Variants in NTM observed in about 807,000 individuals in gnomAD.
NTM encodes the protein IgLON family member 2.
In NTM, 13 loss-of-function variants were observed where a neutral mutation model predicts 42.1. That is an observed-to-expected ratio of 0.31 (90% confidence interval 0.20 to 0.49). NTM has a LOEUF of 0.49. Ranked by LOEUF, NTM falls within the 20% of genes least tolerant of loss-of-function variation. NTM has a pLI of 0.99. For missense variants in NTM, 373 were observed against 452.8 expected (o/e 0.82, Z 1.60); for synonymous variants, 187 against 179.2 (o/e 1.04, Z -0.35).
At chr11:131,406,855 G>A (rs10736596) in intron 1 of NTM, among the ~76,000 whole-genome samples, 86,697 of 152,038 alleles carry the variant, frequency 0.57, 25,906 homozygotes, top group East Asian at 0.87. Context: ...GTGCACAAAT[G>A]TGCTCTAGGG....
intron 1 of NTM, among the ~76,000 whole-genome samples, chr11:131,826,555 G>A (rs552716859): frequency 1.4e-4 from 12 of 88,040 alleles, no homozygotes; most frequent in African/African-American, 2.3e-4. Flanking sequence ...GGGATTGGTC[G>A]TAATATTCTA....
chr11:132,087,893 G>T (rs2059924806), intron 2 of NTM, among the ~76,000 whole-genome samples: 1 of 152,244 alleles, frequency 6.6e-6, no homozygotes. Flanking sequence ...GGATGTGGAT[G>T]CATAGTGGGA....
chr11:132,087,045 AG>A (rs1188985774), intron 2 of NTM, among the ~76,000 whole-genome samples: 1 of 152,180 alleles, frequency 6.6e-6, no homozygotes, highest in Non-Finnish European at 1.5e-5. Context: ...CTGCTCACCT[AG>A]AAAGAGGGGA....
chr11:132,297,707 T>G (rs12284625), intron 4 of NTM, among the ~76,000 whole-genome samples: 10,665 of 152,204 alleles, frequency 0.07, 391 homozygotes, highest in Middle Eastern at 0.13. Flanking sequence ...TTTTGCGGGC[T>G]TTTTCTTGGC....
At chr11:132,026,540 G>T (rs2075205841) in intron 2 of NTM, among the ~76,000 whole-genome samples, 1 of 152,076 alleles carries the variant, frequency 6.6e-6, no homozygotes, top group Non-Finnish European at 1.5e-5. Context: ...CCTTCTACTG[G>T]TTTTTTATCT....
chr11:131,574,337 C>A (rs1056478635), intron 1 of NTM, among the ~76,000 whole-genome samples: 1 of 152,160 alleles, frequency 6.6e-6, no homozygotes, highest in African/African-American at 2.4e-5. Context: ...TCTCAAAGCC[C>A]CCTCAGGTGC....
chr11:132,224,607 T>A (rs1376000908), intron 4 of NTM, among the ~76,000 whole-genome samples: 3 of 152,216 alleles, frequency 2.0e-5, no homozygotes, highest in Admixed American at 6.5e-5. Context: ...AAACCCCTTT[T>A]CTTCCTGCCC....
chr11:131,996,960 C>T lies in NTM; in HGVS notation c.167+85312C>T, dbSNP rs117132915. 2.5e-3 allele frequency among the ~76,000 whole-genome samples: 381 copies of T among 152,284 alleles called. 2 individuals are homozygous for T. The highest frequency in any genetic ancestry group is 3.8e-3 in the Non-Finnish European group (256 of 68,022). On this transcript the variant is annotated intron_variant, in intron 2 of 8. Coordinates refer to ENST00000683400, the MANE Select transcript of NTM (RefSeq NM_001352005.2). ...TTCATCCAAACATATCACTGGCTTC[C>T]TACCTTTCTCTCCTTCCCAGCCTGG...
intron 1 of NTM, among the ~76,000 whole-genome samples, chr11:131,610,715 G>A (rs1226184514): frequency 6.6e-6 from 1 of 152,178 alleles, no homozygotes; most frequent in Non-Finnish European, 1.5e-5. Context: ...CAGGCAGGGG[G>A]TAAGACCACA....
intron 2 of NTM, among the ~76,000 whole-genome samples, chr11:132,122,106 G>A (rs1051242680): frequency 7.2e-5 from 11 of 152,334 alleles, no homozygotes; most frequent in African/African-American, 2.6e-4. Flanking sequence ...TGCGTGTTTA[G>A]GAAAGCTGTA....
chr11:131,406,487 C>T (rs373398557), intron 1 of NTM, among the ~76,000 whole-genome samples: 3 of 152,272 alleles, frequency 2.0e-5, no homozygotes, highest in Non-Finnish European at 2.9e-5. Context: ...CTTATCCTCA[C>T]GGGATAAGTT....
chr11:131,889,743 T>G (rs1417332551), intron 1 of NTM, among the ~76,000 whole-genome samples: 1 of 152,036 alleles, frequency 6.6e-6, no homozygotes, highest in African/African-American at 2.4e-5. Flanking sequence ...GAGAGGCACA[T>G]CTGAGGTTTT....
At chr11:131,595,232 G>C (rs2059715416) in intron 1 of NTM, among the ~76,000 whole-genome samples, 1 of 152,160 alleles carries the variant, frequency 6.6e-6, no homozygotes, top group South Asian at 2.1e-4. Flanking sequence ...TGGTCCACCA[G>C]TGAATCACCT....
intron 1 of NTM, among the ~76,000 whole-genome samples, chr11:131,405,182 T>A (rs61190923): frequency 1.3e-5 from 2 of 152,210 alleles, no homozygotes; most frequent in Non-Finnish European, 2.9e-5. Context: ...GTATGACCAA[T>A]TGAAAGTGTC....
chr11:132,332,308 G>A (rs141318870), intron 8 of NTM: 1 of 152,814 alleles, frequency 6.5e-6, no homozygotes, highest in East Asian at 1.9e-4. Flanking sequence ...AGGTTCCGGG[G>A]GTGGTGAGCG....
intron 1 of NTM, among the ~76,000 whole-genome samples, chr11:131,581,154 CAGAG>C (rs2058373075): frequency 1.3e-5 from 2 of 152,224 alleles, no homozygotes; most frequent in South Asian, 2.1e-4. Flanking sequence ...CCTTACAACT[CAGAG>C]AGACAGAAGA....
intron 3 of NTM, among the ~76,000 whole-genome samples, chr11:132,159,912 G>A (rs971269914): frequency 3.9e-5 from 6 of 152,242 alleles, no homozygotes; most frequent in African/African-American, 1.2e-4. Flanking sequence ...AGTAGGAACT[G>A]TGTCAAATAG....
At chr11:131,525,482 C>T (rs1235727422) in intron 1 of NTM, among the ~76,000 whole-genome samples, 1 of 152,156 alleles carries the variant, frequency 6.6e-6, no homozygotes, top group Admixed American at 6.5e-5. Flanking sequence ...GGGGCCACAC[C>T]AGCATTTAGC....
chr11:132,127,074 G>A (rs61121987), intron 2 of NTM, among the ~76,000 whole-genome samples: 4 of 151,856 alleles, frequency 2.6e-5, no homozygotes, highest in African/African-American at 9.7e-5. Flanking sequence ...TTTCTGGTGC[G>A]TTCTCCCAAA....
Sources: allele counts gnomAD v4.1 joint callset (sites outside exome capture counted in the v4.1 genomes callset), GRCh38; gene constraint gnomAD v4.1.1; transcripts MANE v1.5; gene names NCBI Gene and HGNC (gene_info 2026-07-23, HGNC 2026-07-21).